The following LTBP1 variants were observed in gnomAD, a reference collection of about 807,000 sequenced individuals.
LTBP1 encodes the protein latent transforming growth factor beta binding protein 1.
In LTBP1, 129 loss-of-function variants were observed where a neutral mutation model predicts 207.6. The observed-to-expected ratio is 0.62, with a 90% CI of 0.54 to 0.72. The LOEUF (loss-of-function observed/expected upper bound fraction) is 0.72. LTBP1 is among the 30% of genes least tolerant of loss of function. LTBP1 has a pLI of 0.00. For missense variants in LTBP1, 2,281 were observed against 2,217.2 expected, an observed-to-expected ratio of 1.03 and a Z score of -0.58; for synonymous variants, 963 against 833.7, an observed-to-expected ratio of 1.16 and a Z score of -2.67.
At chr2:33,319,121 G>A (rs2094316096) in intron 24 of LTBP1, among the ~76,000 whole-genome samples, 1 of 152,120 alleles carries the variant, frequency 6.6e-6, no homozygotes, top group Non-Finnish European at 1.5e-5. Context: ...AATCTGACCA[G>A]GCACAGTGGT....
intron 7 of LTBP1, among the ~76,000 whole-genome samples, chr2:33,209,178 T>C (rs1166410076): frequency 6.6e-6 from 1 of 152,086 alleles, no homozygotes; most frequent in Non-Finnish European, 1.5e-5. Context: ...TGGCCAGTCT[T>C]TCTACTATTG....
intron 2 of LTBP1, among the ~76,000 whole-genome samples, chr2:32,989,006 C>T (rs903040675): frequency 2.0e-5 from 3 of 151,940 alleles, no homozygotes; most frequent in African/African-American, 4.8e-5. Flanking sequence ...TCCAAAATGA[C>T]GGCACATTTT....
chr2:33,372,106 C>A (rs533083237), intron 31 of LTBP1, among the ~76,000 whole-genome samples: 3 of 152,266 alleles, frequency 2.0e-5, no homozygotes, highest in African/African-American at 7.2e-5. Flanking sequence ...AATACTACCC[C>A]TCCTTTTTCT....
chr2:33,249,067 G>T (rs995170011), intron 10 of LTBP1, among the ~76,000 whole-genome samples: 1 of 152,140 alleles, frequency 6.6e-6, no homozygotes, highest in Non-Finnish European at 1.5e-5. Flanking sequence ...TTTCATCCAA[G>T]AAATGATTAA....
At chr2:33,122,707 TG>T (rs2081207870) in intron 4 of LTBP1, among the ~76,000 whole-genome samples, 1 of 152,124 alleles carries the variant, frequency 6.6e-6, no homozygotes, top group African/African-American at 2.4e-5. Flanking sequence ...GGAGTAGGGA[TG>T]GGGCAGCATA....
At chr2:33,382,071 C>CTT (rs2095220860) in intron 31 of LTBP1, among the ~76,000 whole-genome samples, 1 of 72,396 alleles carries the variant, frequency 1.4e-5, no homozygotes, top group African/African-American at 4.5e-5. Context: ...CGCCCTACTG[C>CTT]TTCTTTTTTT....
At position 33,397,186 on chromosome 2, in the gene LTBP1, G is replaced by A. The variant is rs2095366326; in HGVS notation, c.4888G>A (p.Gly1630Arg). 6.2e-7 allele frequency: 1 copy of A among 1,614,186 alleles called. No individual in the cohort carries two copies. Among genetic ancestry groups the A allele is most frequent in the Non-Finnish European group, 8.5e-7 (1 of 1,180,028 alleles). ...GGCTGAGGAATGCGGCATCCTCAAT[G>A]GATGTGAAAATGGTCGCTGTGTGAG... ...LQAEECGILN[G>R]CENGRCVRVQ... is the part of the protein sequence containing the mutation. Residue 1630 changes from glycine (G) to arginine (R), a missense_variant, in exon 33 of 34, where the codon GGA (glycine) becomes AGA (arginine). By Grantham distance (125) the Gly-to-Arg change is moderately radical. Around this residue, in one of 3 missense-constraint regions of LTBP1, gnomAD observed 1,671 missense variants for 1,634.8 expected, o/e 1.02. Coordinates refer to ENST00000404816, the MANE Select transcript of LTBP1 (RefSeq NM_206943.4).
intron 3 of LTBP1, among the ~76,000 whole-genome samples, chr2:33,101,134 C>T (rs2079708678): frequency 6.6e-6 from 1 of 152,134 alleles, no homozygotes; most frequent in East Asian, 1.9e-4. Context: ...GCTTGTAGGG[C>T]TAGGTTCCTT....
Position 33,146,268 on chromosome 2 carries a change from A to G in LTBP1, c.1201+11308A>G, listed in dbSNP as rs17012604. On this transcript the variant is annotated intron_variant, in intron 5 of 33. Coordinates refer to ENST00000404816, the MANE Select transcript of LTBP1 (RefSeq NM_206943.4). ...AAGTTCTTGGGGCTTGATTTAAATC[A>G]GGCACTGCTCTTCTTACTCTCAAGA... 1.5e-3 allele frequency among the ~76,000 whole-genome samples: 221 copies of G among 152,350 alleles called. 2 individuals carry two copies. Among genetic ancestry groups the G allele is most frequent in the African/African-American group, 5.1e-3 (213 of 41,564 alleles).
intron 7 of LTBP1, among the ~76,000 whole-genome samples, chr2:33,203,864 G>T (rs1044316279): frequency 2.0e-5 from 3 of 152,182 alleles, no homozygotes; most frequent in African/African-American, 7.2e-5. Context: ...TGTGTTTGAA[G>T]ATGACAGTTC....
intron 26 of LTBP1, among the ~76,000 whole-genome samples, chr2:33,360,122 A>G (rs1278290499): frequency 1.3e-5 from 2 of 152,194 alleles, no homozygotes; most frequent in South Asian, 2.1e-4. Context: ...GTATTTTCCT[A>G]GTTATCTTCT....
chr2:33,203,760 A>G (rs940470263), intron 7 of LTBP1, among the ~76,000 whole-genome samples: 3 of 152,234 alleles, frequency 2.0e-5, no homozygotes, highest in African/African-American at 7.2e-5. Context: ...CTACATAGGA[A>G]TAAGCATTGA....
At chr2:33,011,614 C>CA (rs1212082027) in intron 2 of LTBP1, among the ~76,000 whole-genome samples, 2 of 151,876 alleles carry the variant, frequency 1.3e-5, no homozygotes, top group Non-Finnish European at 2.9e-5. Flanking sequence ...ACTTTTAGCT[C>CA]CCAGAATTGT....
chr2:33,021,683 C>T (rs1311793745), intron 3 of LTBP1, among the ~76,000 whole-genome samples: 1 of 152,174 alleles, frequency 6.6e-6, no homozygotes, highest in Non-Finnish European at 1.5e-5. Context: ...ATTTCTCAAC[C>T]TCAGTAGCAG....
At chr2:33,083,793 G>T (rs2078588159) in intron 3 of LTBP1, among the ~76,000 whole-genome samples, 1 of 152,222 alleles carries the variant, frequency 6.6e-6, no homozygotes, top group Admixed American at 6.5e-5. Flanking sequence ...TAGAGGTCGA[G>T]AAACGATCAG....
At chr2:33,207,768 G>A (rs2089992158) in intron 7 of LTBP1, among the ~76,000 whole-genome samples, 1 of 152,196 alleles carries the variant, frequency 6.6e-6, no homozygotes, top group South Asian at 2.1e-4. Flanking sequence ...TTGATGCATA[G>A]AAATAAGCAT....
At chr2:33,135,005 T>G in intron 5 of LTBP1, 45 bp downstream of exon 5, 1 of 1,527,392 alleles carries the variant, frequency 6.5e-7, no homozygotes. Context: ...GAGTCGAGTT[T>G]TATGAGATTG....
At chr2:33,388,596 T>C (rs1439804084) in intron 31 of LTBP1, among the ~76,000 whole-genome samples, 1 of 152,204 alleles carries the variant, frequency 6.6e-6, no homozygotes, top group Non-Finnish European at 1.5e-5. Flanking sequence ...GCTGTTGTTA[T>C]TACCACTACC....
At chr2:33,284,257 G>C (rs2093619502) in intron 19 of LTBP1, among the ~76,000 whole-genome samples, 1 of 152,128 alleles carries the variant, frequency 6.6e-6, no homozygotes, top group Admixed American at 6.5e-5. Context: ...TGTTTTCTGA[G>C]GGACTACATT....
Sources: allele counts gnomAD v4.1 joint callset (sites outside exome capture counted in the v4.1 genomes callset), GRCh38; gene constraint gnomAD v4.1.1; regional missense constraint gnomAD v4.1.1; transcripts MANE v1.5; gene names NCBI Gene and HGNC (gene_info 2026-07-23, HGNC 2026-07-21).